PPP2R3A: variants seen among roughly 807,000 people sequenced by gnomAD.
PPP2R3A encodes protein phosphatase 2 regulatory subunit B''alpha.
A neutral mutation model predicts 106.9 loss-of-function variants in PPP2R3A; 80 were observed. That is an observed-to-expected ratio of 0.75 (90% CI 0.62 to 0.90). PPP2R3A has a LOEUF of 0.90. Among genes scored for constraint, PPP2R3A ranks in the 40% least tolerant of loss-of-function variants. PPP2R3A has a pLI of 0.00. For synonymous variants in PPP2R3A, 483 were observed against 468.3 expected (o/e 1.03, Z -0.41); for missense variants, 1,386 against 1,350.4 (o/e 1.03, Z -0.41).
rs1358699393 is a variant in PPP2R3A, at chr3:136,032,506, T to TAA, written c.2262+5408_2262+5409insAA. Among the ~76,000 whole-genome samples the TAA allele has an allele frequency of 2.0e-5, 3 of 150,790 alleles. No homozygotes were observed. The East Asian group carries it at 5.8e-4, about 29-fold the overall frequency. On this transcript the variant is annotated intron_variant, in intron 3 of 13. Coordinates refer to ENST00000264977, the MANE Select transcript of PPP2R3A (RefSeq NM_002718.5). ...GAGAATTTGACTTTCTCTTTTTTTT[T>TAA]TTAATTAATTAATTTATTTATTTAT...
intron 1 of PPP2R3A, among the ~76,000 whole-genome samples, chr3:135,990,530 A>G (rs938770081): frequency 7.2e-5 from 11 of 152,322 alleles, no homozygotes; most frequent in Non-Finnish European, 1.3e-4. Context: ...GGAGTACTTA[A>G]TATAAATTAA....
At chr3:135,975,073 T>A (rs1937377011) in intron 1 of PPP2R3A, among the ~76,000 whole-genome samples, 1 of 152,220 alleles carries the variant, frequency 6.6e-6, no homozygotes, top group Non-Finnish European at 1.5e-5. Flanking sequence ...TAGCATTTTG[T>A]CTTCTCTCAA....
chr3:136,114,018 A>T (rs1214228130), intron 13 of PPP2R3A, among the ~76,000 whole-genome samples: 1 of 152,180 alleles, frequency 6.6e-6, no homozygotes, highest in Non-Finnish European at 1.5e-5. Context: ...GCTCCCAGCC[A>T]GATCGACACA....
intron 1 of PPP2R3A, among the ~76,000 whole-genome samples, chr3:135,974,131 C>G (rs1440213445): frequency 2.0e-5 from 3 of 152,204 alleles, no homozygotes; most frequent in Non-Finnish European, 4.4e-5. Context: ...TTGCTGCATT[C>G]TCTGCATTTC....
chr3:136,114,104 G>T (rs1337898988), intron 13 of PPP2R3A, among the ~76,000 whole-genome samples: 1 of 152,156 alleles, frequency 6.6e-6, no homozygotes, highest in Non-Finnish European at 1.5e-5. Flanking sequence ...AGTAGGTGCA[G>T]CCCATGGAGG....
intron 13 of PPP2R3A, 133 bp from the exon 14 acceptor site, chr3:136,144,910 G>C (rs929238822): frequency 2.2e-6 from 2 of 900,704 alleles, no homozygotes; most frequent in African/African-American, 1.7e-5. Context: ...CGGCAGTTGA[G>C]TTGCTCACGG....
chr3:136,044,833 C>A (rs1309669363), intron 4 of PPP2R3A, among the ~76,000 whole-genome samples: 1 of 152,136 alleles, frequency 6.6e-6, no homozygotes, highest in African/African-American at 2.4e-5. Flanking sequence ...GCAGAGCAGG[C>A]CACTGTCACT....
intron 5 of PPP2R3A, among the ~76,000 whole-genome samples, chr3:136,051,125 G>A (rs1331584479): frequency 4.6e-5 from 7 of 152,154 alleles, no homozygotes; most frequent in East Asian, 3.9e-4. Flanking sequence ...TCTTGTTTTC[G>A]TATCTAAATA....
rs1198286120 is a variant in PPP2R3A, at chr3:136,082,358, G to A, written c.2725G>A (p.Glu909Lys). Reference sequence around the variant, plus strand: ...CTATGTTATTTATTGTAAATTCTGGGAACTAGATACTGATCACGACCTCTA... The same window carrying A: ...CTATGTTATTTATTGTAAATTCTGGAAACTAGATACTGATCACGACCTCTA... ...HFYVIYCKFW[E>K]LDTDHDLYIS... Residue 909 changes from glutamate (E) to lysine (K), a missense_variant, in exon 8 of 14, where the codon GAA becomes AAA. Transcript: ENST00000264977. 2 of 1,612,658 alleles carry A rather than the reference G, an allele frequency of 1.2e-6. No individual in the cohort carries two copies. Among genetic ancestry groups the A allele is most frequent in the South Asian group, 1.1e-5 (1 of 91,042 alleles).
chr3:136,049,430 A>G, intron 5 of PPP2R3A, 69 bp downstream of exon 5: 1 of 1,131,318 alleles, frequency 8.8e-7, no homozygotes, highest in South Asian at 1.3e-5. Flanking sequence ...TAAAATTTAC[A>G]ACTATAACAT....
At chr3:136,096,668 A>T (rs1576499919) in intron 10 of PPP2R3A, among the ~76,000 whole-genome samples, 2 of 152,388 alleles carry the variant, frequency 1.3e-5, no homozygotes, top group East Asian at 3.8e-4. Context: ...TTGAATATGC[A>T]ACAGAATATA....
chr3:136,010,165 A>T (rs999524243), intron 2 of PPP2R3A, among the ~76,000 whole-genome samples: 1 of 151,834 alleles, frequency 6.6e-6, no homozygotes, highest in African/African-American at 2.4e-5. Context: ...TCTCCTACCC[A>T]TATCAGTACT....
intron 3 of PPP2R3A, among the ~76,000 whole-genome samples, chr3:136,028,809 A>G (rs1213950835): frequency 6.6e-6 from 1 of 152,176 alleles, no homozygotes; most frequent in East Asian, 1.9e-4. Flanking sequence ...AACTACATAA[A>G]TGCCAACAGG....
At chr3:136,057,428 C>T (rs1050151570) in intron 5 of PPP2R3A, among the ~76,000 whole-genome samples, 3 of 151,962 alleles carry the variant, frequency 2.0e-5, no homozygotes, top group Non-Finnish European at 2.9e-5. Context: ...ATCACATGTT[C>T]TCATTCATAT....
chr3:136,128,665 G>A (rs1483034908), intron 13 of PPP2R3A, among the ~76,000 whole-genome samples: 7 of 152,066 alleles, frequency 4.6e-5, no homozygotes, highest in Admixed American at 6.6e-5. Flanking sequence ...TGCAACAAGC[G>A]ACCTAATAGA....
chr3:136,108,562 G>GAAAT (rs1166518230), intron 13 of PPP2R3A, among the ~76,000 whole-genome samples: 9 of 151,934 alleles, frequency 5.9e-5, no homozygotes, highest in Non-Finnish European at 1.3e-4. Context: ...AAGCTTTTTT[G>GAAAT]AAATAAAAGA....
Position 136,145,285 on chromosome 3 carries a change from T to C in PPP2R3A, c.*119T>C, listed in dbSNP as rs111611688. ...TTGATTTCTCCAAGTGTGTATCATC[T>C]GCACTAGGAACTTTGTTTTTAAGCA... On this transcript the variant is annotated 3_prime_UTR_variant, in exon 14 of 14. Transcript: ENST00000264977. The C allele has an allele frequency of 0.012, 15,002 of 1,283,554 alleles. 119 individuals carry two copies. The highest frequency in any genetic ancestry group is 0.014 in the Non-Finnish European group (13,372 of 962,194). The allele number at this position is 1,283,554 out of a possible 1,614,324, so 79.5% of individuals were successfully genotyped here. A position where few individuals can be genotyped will look rare whatever the true frequency, so the allele number is the denominator to read the frequency against.
chr3:136,115,573 AAC>A (rs1576322279), intron 13 of PPP2R3A, among the ~76,000 whole-genome samples: 2 of 152,066 alleles, frequency 1.3e-5, no homozygotes, highest in Admixed American at 6.6e-5. Flanking sequence ...ATGGAGCTGA[AAC>A]ACACAGCACA....
At chr3:136,100,930 A>C (rs1264370259) in intron 10 of PPP2R3A, among the ~76,000 whole-genome samples, 1 of 152,234 alleles carries the variant, frequency 6.6e-6, no homozygotes, top group African/African-American at 2.4e-5. Context: ...AGGCATTTTC[A>C]AAGACCCAAG....
Sources: allele counts gnomAD v4.1 joint callset (sites outside exome capture counted in the v4.1 genomes callset), GRCh38; gene constraint gnomAD v4.1.1; transcripts MANE v1.5; gene names NCBI Gene and HGNC (gene_info 2026-07-23, HGNC 2026-07-21).